The following DPP10 variants were observed in gnomAD, a reference collection of about 807,000 sequenced individuals.
DPP10 encodes inactive dipeptidyl peptidase 10.
In DPP10, 33 loss-of-function variants were observed where a neutral mutation model predicts 120.9. The observed-to-expected ratio is 0.27, with a 90% confidence interval of 0.21 to 0.37. DPP10 has a LOEUF of 0.37. Among genes scored for constraint, DPP10 ranks in the 10% least tolerant of loss-of-function variants. The pLI, the probability that DPP10 is intolerant of heterozygous loss-of-function variation, is 1.00. For missense variants in DPP10, 816 were observed against 942.8 expected, an observed-to-expected ratio of 0.87 and a Z score of 1.76; for synonymous variants, 337 against 326.1, an observed-to-expected ratio of 1.03 and a Z score of -0.36.
intron 5 of DPP10, among the ~76,000 whole-genome samples, chr2:115,549,125 T>A (rs1162161782): frequency 1.3e-5 from 2 of 152,156 alleles, no homozygotes; most frequent in East Asian, 3.9e-4. Context: ...GCCAGGTACA[T>A]TCTATGAAAT....
chr2:114,569,981 C>A (rs1039199137), intron 1 of DPP10, among the ~76,000 whole-genome samples: 2 of 152,098 alleles, frequency 1.3e-5, no homozygotes, highest in African/African-American at 4.8e-5. Flanking sequence ...AGGGAGAATG[C>A]TATATTTGAA....
chr2:114,515,884 C>T (rs892982668), intron 1 of DPP10, among the ~76,000 whole-genome samples: 7 of 151,972 alleles, frequency 4.6e-5, no homozygotes, highest in African/African-American at 1.2e-4. Flanking sequence ...ATCTCCTTAG[C>T]GCTGGTGCTA....
chr2:115,398,601 T>A (rs2067849045), intron 3 of DPP10, among the ~76,000 whole-genome samples: 2 of 152,140 alleles, frequency 1.3e-5, no homozygotes, highest in Non-Finnish European at 2.9e-5. Context: ...AATGCTTTTT[T>A]TGCATCATTA....
chr2:114,923,051 T>C (rs1695316104), intron 1 of DPP10, among the ~76,000 whole-genome samples: 2 of 152,218 alleles, frequency 1.3e-5, no homozygotes, highest in South Asian at 2.1e-4. Flanking sequence ...GAATTGTTAA[T>C]TCAAATCCTT....
intron 10 of DPP10, among the ~76,000 whole-genome samples, chr2:115,749,143 A>G (rs1241938130): frequency 6.6e-6 from 1 of 152,200 alleles, no homozygotes; most frequent in Non-Finnish European, 1.5e-5. Flanking sequence ...TGTACTGTGC[A>G]CTTAAGGTAT....
chr2:115,383,388 G>C (rs1258848404), intron 3 of DPP10, among the ~76,000 whole-genome samples: 1 of 152,192 alleles, frequency 6.6e-6, no homozygotes, highest in Admixed American at 6.5e-5. Flanking sequence ...CCATGATTGT[G>C]AGTCCTCCCC....
chr2:114,521,475 A>T (rs1685045667), intron 1 of DPP10, among the ~76,000 whole-genome samples: 1 of 152,210 alleles, frequency 6.6e-6, no homozygotes, highest in Admixed American at 6.5e-5. Context: ...TTAGAAAGCG[A>T]TTAGATACAA....
intron 1 of DPP10, among the ~76,000 whole-genome samples, chr2:114,877,811 TG>T (rs1260730182): frequency 6.6e-6 from 1 of 151,956 alleles, no homozygotes; most frequent in Non-Finnish European, 1.5e-5. Flanking sequence ...ATTCTTTTTG[TG>T]GGGGGCTCTT....
chr2:115,303,975 C>A (rs1246776891), intron 1 of DPP10, among the ~76,000 whole-genome samples: 2 of 151,928 alleles, frequency 1.3e-5, no homozygotes, highest in African/African-American at 4.8e-5. Context: ...AATGCTGTTT[C>A]TTTAATATCA....
intron 7 of DPP10, among the ~76,000 whole-genome samples, chr2:115,703,019 A>G (rs2091954362): frequency 1.3e-5 from 2 of 151,862 alleles, no homozygotes; most frequent in Admixed American, 1.3e-4. Flanking sequence ...TTTGAAATTG[A>G]TATAATTAAT....
rs543249387 is a variant in DPP10 at position 114,479,759 on chromosome 2, C to T, written c.60+36921C>T. On this transcript the variant is annotated intron_variant, in intron 1 of 25. Transcript: ENST00000410059. ...AATGTTAGACCCAAAACCATCAAAA[C>T]CCTAGAAGAAAACCTAGGCAATACC... Among the ~76,000 whole-genome samples, 4 of 152,286 alleles carry T rather than the reference C, an allele frequency of 2.6e-5. No homozygotes were observed. In the East Asian group the frequency reaches 7.7e-4, roughly 29 times the overall value.
intron 1 of DPP10, among the ~76,000 whole-genome samples, chr2:114,617,595 TG>T (rs1040357905): frequency 6.6e-6 from 1 of 152,092 alleles, no homozygotes; most frequent in African/African-American, 2.4e-5. Flanking sequence ...TCTGGCCCTA[TG>T]TTTAGTGTTG....
chr2:115,640,324 ACACTCGCTTTGT>A (rs2086675992), intron 5 of DPP10, among the ~76,000 whole-genome samples: 2 of 78,076 alleles, frequency 2.6e-5, no homozygotes, highest in South Asian at 1.2e-3. Flanking sequence ...TGAGAACTTC[ACACTCGCTTTGT>A]TTTCTGCCCC....
intron 2 of DPP10, among the ~76,000 whole-genome samples, chr2:115,340,979 A>G (rs1386871270): frequency 2.6e-5 from 4 of 152,080 alleles, no homozygotes; most frequent in Non-Finnish European, 4.4e-5. Context: ...AATTTACGTG[A>G]TAGGGAAATT....
chr2:114,569,229 C>CT (rs1689437431), intron 1 of DPP10, among the ~76,000 whole-genome samples: 1 of 151,466 alleles, frequency 6.6e-6, no homozygotes, highest in African/African-American at 2.4e-5. Context: ...ACCTCTTGTG[C>CT]TTGTTATCCA....
chr2:115,173,545 A>G (rs559333320), intron 1 of DPP10, among the ~76,000 whole-genome samples: 1 of 152,330 alleles, frequency 6.6e-6, no homozygotes, highest in African/African-American at 2.4e-5. Context: ...CCTGTTGTAC[A>G]GTACCATCTG....
At chr2:115,793,972 G>A (rs1004521522) in intron 19 of DPP10, among the ~76,000 whole-genome samples, 3 of 152,078 alleles carry the variant, frequency 2.0e-5, no homozygotes, top group African/African-American at 7.2e-5. Context: ...AGTAGAAAGT[G>A]TTTTTTAAGA....
At chr2:114,773,291 G>A (rs1053313713) in intron 1 of DPP10, among the ~76,000 whole-genome samples, 2 of 152,164 alleles carry the variant, frequency 1.3e-5, no homozygotes, top group East Asian at 3.9e-4. Context: ...AATTGTTATG[G>A]TAGTTACACA....
intron 1 of DPP10, among the ~76,000 whole-genome samples, chr2:114,486,145 T>C (rs1681499767): frequency 6.6e-6 from 1 of 152,138 alleles, no homozygotes; most frequent in African/African-American, 2.4e-5. Flanking sequence ...TTCAACGCTG[T>C]AGTACTGCCA....
Sources: gnomAD v4.1 joint callset for allele counts (sites outside exome capture counted in the v4.1 genomes callset) on GRCh38, gnomAD v4.1.1 for gene constraint, MANE v1.5 for transcripts, NCBI Gene and HGNC (gene_info 2026-07-23, HGNC 2026-07-21) for gene names.